The following C1orf87 variants were observed in gnomAD, a reference collection of about 807,000 sequenced individuals.
C1orf87 encodes the protein chromosome 1 open reading frame 87.
C1orf87 carries 58 observed loss-of-function variants against 60.5 expected under a neutral mutation model. The ratio of observed to expected loss-of-function variants is 0.96; its 90% CI spans 0.78 to 1.19. The LOEUF is 1.19. Among genes scored for constraint, C1orf87 ranks in the 50% most tolerant of loss-of-function variants. The probability of loss-of-function intolerance (pLI) is 0.00; values close to 1 mark genes in which losing one functional copy is unlikely to be tolerated. For synonymous variants in C1orf87, 236 were observed against 227.4 expected, an observed-to-expected ratio of 1.04 and a Z score of -0.34; for missense variants, 673 against 638.6, an observed-to-expected ratio of 1.05 and a Z score of -0.58.
chr1:60,009,710 A>C (rs145274727), intron 9 of C1orf87, among the ~76,000 whole-genome samples: 381 of 152,166 alleles, frequency 2.5e-3, no homozygotes, highest in South Asian at 0.012. Context: ...GTTGATGGAT[A>C]TAGTAAATAG....
At chr1:60,007,202 G>A (rs1202330964) in intron 9 of C1orf87, among the ~76,000 whole-genome samples, 1 of 152,010 alleles carries the variant, frequency 6.6e-6, no homozygotes, top group Non-Finnish European at 1.5e-5. Flanking sequence ...GTGAGCCACA[G>A]CACCCAGACT....
chr1:60,045,383 T>C (rs1645358860), intron 3 of C1orf87, among the ~76,000 whole-genome samples: 1 of 152,234 alleles, frequency 6.6e-6, no homozygotes, highest in Admixed American at 6.5e-5. Context: ...AAATGTGCTT[T>C]AAACAAATTA....
At chr1:59,994,002 A>C (rs1220859345) in intron 11 of C1orf87, among the ~76,000 whole-genome samples, 1 of 152,034 alleles carries the variant, frequency 6.6e-6, no homozygotes, top group Non-Finnish European at 1.5e-5. Flanking sequence ...CAGGTGATCC[A>C]CCTGCCTTGG....
chr1:60,029,624 CCT>C (rs1299093671), intron 7 of C1orf87, among the ~76,000 whole-genome samples: 2 of 146,196 alleles, frequency 1.4e-5, no homozygotes, highest in African/African-American at 5.1e-5. Context: ...CATCTCTTCC[CCT>C]GTCCCCCCAA....
intron 9 of C1orf87, among the ~76,000 whole-genome samples, chr1:60,005,770 C>T (rs1478327363): frequency 7.6e-5 from 11 of 144,006 alleles, no homozygotes; most frequent in African/African-American, 2.6e-4. Flanking sequence ...GAAGCTGATT[C>T]GTGTGTGTGT....
At chr1:60,027,095 A>G (rs1645203565) in intron 7 of C1orf87, among the ~76,000 whole-genome samples, 1 of 152,172 alleles carries the variant, frequency 6.6e-6, no homozygotes, top group Non-Finnish European at 1.5e-5. Flanking sequence ...CACTGTTACT[A>G]TTTTTAGAGG....
chr1:60,045,530 C>T (rs1645359662), intron 3 of C1orf87, among the ~76,000 whole-genome samples: 1 of 152,158 alleles, frequency 6.6e-6, no homozygotes, highest in South Asian at 2.1e-4. Flanking sequence ...CATGATGAAA[C>T]TCCCTGTGCT....
chr1:60,002,502 G>GT (rs1645013104), intron 9 of C1orf87, among the ~76,000 whole-genome samples: 1 of 152,020 alleles, frequency 6.6e-6, no homozygotes, highest in Admixed American at 6.6e-5. Flanking sequence ...TTGTAAATTT[G>GT]TTTGAGTTCA....
intron 9 of C1orf87, among the ~76,000 whole-genome samples, chr1:60,005,985 T>C (rs1259746350): frequency 2.0e-5 from 3 of 152,042 alleles, no homozygotes; most frequent in Non-Finnish European, 2.9e-5. Flanking sequence ...CCTATCATGG[T>C]ATCCCAATCA....
At chr1:60,053,200 A>G (rs937973901) in intron 3 of C1orf87, among the ~76,000 whole-genome samples, 2 of 152,242 alleles carry the variant, frequency 1.3e-5, no homozygotes, top group African/African-American at 2.4e-5. Flanking sequence ...GAGAAAAACT[A>G]GAAATGGCTT....
In C1orf87 at chr1:59,990,719, T is replaced by A. The variant is rs771399209; in HGVS notation, c.1595A>T (p.Glu532Val). The A allele has an allele frequency of 6.2e-7, 1 of 1,614,014 alleles. No individual in the cohort carries two copies. Among genetic ancestry groups the A allele is most frequent in the Admixed American group, 1.7e-5 (1 of 60,006 alleles). ...DQALRRFRSG[E>V]NMLLEPALRY... ...CAGTGCTGGCTCCAAGAGCATATTT[T>A]CTCCCGAACGGAATCTGCGCAAGGC... Residue 532 changes from glutamate (E) to valine (V), a missense_variant, in exon 12 of 12, where the codon GAA becomes GTA. Transcript: ENST00000371201.
At chr1:60,030,545 T>C (rs1307329511) in intron 7 of C1orf87, among the ~76,000 whole-genome samples, 1 of 152,218 alleles carries the variant, frequency 6.6e-6, no homozygotes, top group Admixed American at 6.5e-5. Context: ...CAACCTATGT[T>C]CTAGCTAGCT....
chr1:60,004,569 T>A (rs1420590255), intron 9 of C1orf87, among the ~76,000 whole-genome samples: 1 of 152,056 alleles, frequency 6.6e-6, no homozygotes, highest in African/African-American at 2.4e-5. Context: ...TACATACTAG[T>A]CTACTTGGTC....
At chr1:60,041,173 G>C (rs1376788605) in intron 3 of C1orf87, 42 bp from the exon 4 acceptor site, 1 of 1,454,756 alleles carries the variant, frequency 6.9e-7, no homozygotes, top group Non-Finnish European at 9.2e-7. Flanking sequence ...AGCAGAAGAG[G>C]AGGTAGGGAA....
intron 2 of C1orf87, among the ~76,000 whole-genome samples, chr1:60,066,008 T>G (rs569644300): frequency 6.6e-6 from 1 of 152,242 alleles, no homozygotes; most frequent in African/African-American, 2.4e-5. Context: ...AATACAATAG[T>G]CTAAAAAACA....
chr1:60,035,555 T>A (rs184272220), intron 6 of C1orf87, among the ~76,000 whole-genome samples: 1 of 152,342 alleles, frequency 6.6e-6, no homozygotes, highest in Admixed American at 6.5e-5. Flanking sequence ...ATACCTTAAT[T>A]AACAAATAGC....
Position 60,072,579 on chromosome 1 carries a change from A to G in C1orf87, c.65T>C (p.Ile22Thr), listed in dbSNP as rs144058313. Reference sequence around the variant, plus strand: ...GAGGTATTGAAAGTGTTTACTTCCAATGATTTTCACCATGATCTCAGGCAT... The same window carrying G: ...GAGGTATTGAAAGTGTTTACTTCCAGTGATTTTCACCATGATCTCAGGCAT... ...DAMPEIMVKI[I>T]GSKHFQYLVE... Residue 22 changes from isoleucine (I) to threonine (T), a missense_variant, in exon 2 of 12, where the codon ATT becomes ACT. Transcript: ENST00000371201. The G allele has an allele frequency of 2.2e-4, 359 of 1,613,204 alleles. No homozygotes were observed. Among genetic ancestry groups the G allele is most frequent in the South Asian group, 4.5e-4 (41 of 91,042 alleles).
At chr1:60,001,465 C>T (rs1009786186) in intron 9 of C1orf87, among the ~76,000 whole-genome samples, 3 of 151,852 alleles carry the variant, frequency 2.0e-5, no homozygotes, top group Non-Finnish European at 4.4e-5. Context: ...CTTTGGAGGC[C>T]GGGGTAACAG....
At chr1:60,020,405 G>A (rs1038711148) in intron 8 of C1orf87, among the ~76,000 whole-genome samples, 4 of 152,204 alleles carry the variant, frequency 2.6e-5, no homozygotes, top group African/African-American at 9.6e-5. Context: ...TTCAATGCAA[G>A]CCTGTGAAAG....
Sources: gnomAD v4.1 joint callset for allele counts (sites outside exome capture counted in the v4.1 genomes callset) on GRCh38, gnomAD v4.1.1 for gene constraint, MANE v1.5 for transcripts, NCBI Gene and HGNC (gene_info 2026-07-23, HGNC 2026-07-21) for gene names.